Variants in CCDC30 observed in about 807,000 individuals in gnomAD.
The protein encoded by CCDC30 is coiled-coil domain-containing protein 30.
CCDC30 carries 70 observed loss-of-function variants against 100.2 expected under a neutral mutation model. The ratio of observed to expected loss-of-function variants is 0.70; its 90% CI spans 0.58 to 0.85. CCDC30 has a LOEUF of 0.85. Ranked by LOEUF, CCDC30 falls within the 40% of genes least tolerant of loss-of-function variation. CCDC30 has a pLI of 0.00. For synonymous variants in CCDC30, 233 were observed against 269.5 expected, an observed-to-expected ratio of 0.86 and a Z score of 1.33; for missense variants, 652 against 771.2, an observed-to-expected ratio of 0.85 and a Z score of 1.83.
chr1:42,532,654 T>C (rs1384314490), intron 6 of CCDC30, among the ~76,000 whole-genome samples: 1 of 152,174 alleles, frequency 6.6e-6, no homozygotes, highest in Non-Finnish European at 1.5e-5. Context: ...AATGAGCACT[T>C]AGATAAAGGA....
chr1:42,485,506 C>A (rs888521338), intron 3 of CCDC30, among the ~76,000 whole-genome samples: 2 of 152,016 alleles, frequency 1.3e-5, no homozygotes, highest in African/African-American at 2.4e-5. Flanking sequence ...TAAAAATGGG[C>A]AAAAGGGCTG....
intron 1 of CCDC30, among the ~76,000 whole-genome samples, chr1:42,468,460 T>G (rs887502688): frequency 6.6e-6 from 1 of 152,250 alleles, no homozygotes; most frequent in Non-Finnish European, 1.5e-5. Context: ...TAATTCCATT[T>G]ACACCCATTG....
chr1:42,644,928 G>T (rs1647765232), intron 14 of CCDC30, 121 bp downstream of exon 18: 2 of 653,366 alleles, frequency 3.1e-6, no homozygotes, highest in Non-Finnish European at 5.4e-6. Context: ...CCTCATGGTA[G>T]GCTGTGGCAA....
Position 42,534,223 on chromosome 1 carries a change from G to GC in CCDC30, c.457-32073_457-32072insC, listed in dbSNP as rs200753239. On this transcript the variant is annotated intron_variant, in intron 6 of 16. Coordinates refer to ENST00000668663, the Ensembl canonical transcript of CCDC30. The stretch of plus-strand genomic sequence containing the variant: ...TCTAGGAAAAGACAAAGAAAATGAG[G>GC]GGGGGGGTTCATATTTAAGAGTTGA... 6.6e-3 allele frequency among the ~76,000 whole-genome samples: 922 copies of GC among 139,402 alleles called. 6 individuals are homozygous for GC. The highest frequency in any genetic ancestry group is 0.029 in the African/African-American group (860 of 30,014). 91.5% of individuals were successfully genotyped at this position (139,402 alleles called of 152,430 possible).
intron 10 of CCDC30, among the ~76,000 whole-genome samples, chr1:42,597,289 C>T (rs368216234): frequency 5.9e-5 from 9 of 152,130 alleles, no homozygotes; most frequent in Admixed American, 4.6e-4. Flanking sequence ...AGATTAATGA[C>T]AGACACCAAA....
rs187038495 is a variant in CCDC30, at chr1:42,528,989, G to A, written c.456+30073G>A. Among the ~76,000 whole-genome samples the A allele has an allele frequency of 4.2e-4, 64 of 152,330 alleles. 1 individual carries two copies. The highest frequency in any genetic ancestry group is 1.5e-3 in the African/African-American group (61 of 41,556). On this transcript the variant is annotated intron_variant, in intron 6 of 16. Transcript: ENST00000668663. ...TAACCTCAATCCTCTAAGCTGTGAT[G>A]TAAACCAGTTTTCTTTTCCTTGTCA...
At position 42,547,677 on chromosome 1, in the gene CCDC30, A is replaced by G. The variant is rs548576270; in HGVS notation, c.457-18619A>G. On this transcript the variant is annotated intron_variant, in intron 6 of 16. Coordinates refer to ENST00000668663, the Ensembl canonical transcript of CCDC30. ...ACTCTGAAAAGTCTAGGTATCTGCC[A>G]TCTGCCTCCTTCTCCTTTTTTTCTC... 7.9e-4 allele frequency among the ~76,000 whole-genome samples: 121 copies of G among 152,294 alleles called. 1 individual carries two copies. The highest frequency in any genetic ancestry group is 7.8e-3 in the Admixed American group (120 of 15,296).
chr1:42,640,476 T>C (rs944409927), intron 12 of CCDC30, among the ~76,000 whole-genome samples: 2 of 152,226 alleles, frequency 1.3e-5, no homozygotes, highest in Admixed American at 1.3e-4. Context: ...CATTATTAAT[T>C]AAATGTCTTT....
intron 1 of CCDC30, among the ~76,000 whole-genome samples, chr1:42,479,565 T>TAA (rs150749741): frequency 0.078 from 10,874 of 139,752 alleles, 654 homozygotes; most frequent in South Asian, 0.16. Context: ...AGACATATGC[T>TAA]TAAAAAAAAA....
intron 11 of CCDC30, 89 bp downstream of exon 15, chr1:42,611,179 T>C: frequency 1.5e-6 from 1 of 683,428 alleles, no homozygotes; most frequent in Non-Finnish European, 2.5e-6. Context: ...GGTGGGCTGC[T>C]CACTGAAGCA....
chr1:42,581,318 A>G (rs1645961262), intron 8 of CCDC30, 42 bp from the exon 13 acceptor site: 4 of 1,521,542 alleles, frequency 2.6e-6, no homozygotes, highest in South Asian at 1.3e-5. Flanking sequence ...AAAAGGTCAC[A>G]CTCTTCTTAA....
intron 11 of CCDC30, among the ~76,000 whole-genome samples, chr1:42,629,896 G>A (rs1256774408): frequency 2.0e-5 from 3 of 151,686 alleles, no homozygotes; most frequent in African/African-American, 7.3e-5. Context: ...TTACGGGCGT[G>A]AGCCGCTGCA....
At chr1:42,511,406 A>G (rs1410448640) in intron 6 of CCDC30, among the ~76,000 whole-genome samples, 1 of 152,176 alleles carries the variant, frequency 6.6e-6, no homozygotes, top group Admixed American at 6.5e-5. Flanking sequence ...ATTGAACTCT[A>G]TATCCTACTA....
chr1:42,499,562 A>G (rs1312459623), intron 6 of CCDC30, among the ~76,000 whole-genome samples: 1 of 152,054 alleles, frequency 6.6e-6, no homozygotes, highest in Non-Finnish European at 1.5e-5. Context: ...TGCAGCCTCA[A>G]CCTTCCAGGC....
intron 6 of CCDC30, among the ~76,000 whole-genome samples, chr1:42,519,309 G>A (rs575382809): frequency 6.6e-6 from 1 of 152,266 alleles, no homozygotes; most frequent in East Asian, 1.9e-4. Context: ...AATGTGTTAA[G>A]AAGTATTTCT....
chr1:42,585,936 C>A (rs1646059874), intron 9 of CCDC30, among the ~76,000 whole-genome samples: 1 of 151,608 alleles, frequency 6.6e-6, no homozygotes, highest in South Asian at 2.1e-4. Flanking sequence ...ATACTTACAT[C>A]TTTTAGACTT....
chr1:42,584,549 C>T lies in CCDC30; in HGVS notation c.1001+3035C>T, dbSNP rs376669498. 3.1e-4 allele frequency among the ~76,000 whole-genome samples: 47 copies of T among 152,148 alleles called. No individual in the cohort carries two copies. In the East Asian group the frequency reaches 3.9e-3, roughly 12 times the overall value. On this transcript the variant is annotated intron_variant, in intron 9 of 16. Coordinates refer to ENST00000668663, the Ensembl canonical transcript of CCDC30. ...CAGAGGTTGCAGTGAGCCAAGATGG[C>T]GCCACTGCACTCCAACGTGGGCAAC...
intron 10 of CCDC30, among the ~76,000 whole-genome samples, chr1:42,607,818 A>C (rs1162922442): frequency 6.6e-6 from 1 of 152,202 alleles, no homozygotes; most frequent in Non-Finnish European, 1.5e-5. Context: ...GGTCTGCACA[A>C]CAGGAACTCT....
At chr1:42,529,315 T>C (rs1644772577) in intron 6 of CCDC30, among the ~76,000 whole-genome samples, 1 of 151,936 alleles carries the variant, frequency 6.6e-6, no homozygotes, top group African/African-American at 2.4e-5. Context: ...ATACTAAAAA[T>C]ACAAAAATTA....
Sources: gnomAD v4.1 joint callset for allele counts (sites outside exome capture counted in the v4.1 genomes callset) on GRCh38, gnomAD v4.1.1 for gene constraint, MANE v1.5 for transcripts, NCBI Gene and HGNC (gene_info 2026-07-23, HGNC 2026-07-21) for gene names.